ADGRB3: variants seen among roughly 807,000 people sequenced by gnomAD.
ADGRB3 encodes the protein adhesion G protein-coupled receptor B3.
A neutral mutation model predicts 193.4 loss-of-function variants in ADGRB3; 37 were observed. That is an observed-to-expected ratio of 0.19 (90% CI 0.15 to 0.25). The LOEUF (loss-of-function observed/expected upper bound fraction) is 0.25, where lower values mean the gene tolerates loss of function less well. Ranked by LOEUF, ADGRB3 falls within the 10% of genes least tolerant of loss-of-function variation. The pLI is 1.00. For synonymous variants in ADGRB3, 690 were observed against 644.2 expected, an observed-to-expected ratio of 1.07 and a Z score of -1.08; for missense variants, 1,637 against 1,852.9, an observed-to-expected ratio of 0.88 and a Z score of 2.14.
chr6:68,912,894 G>A lies in ADGRB3; in HGVS notation c.758-17665G>A, dbSNP rs192261907. 2.4e-3 allele frequency among the ~76,000 whole-genome samples: 370 copies of A among 152,204 alleles called. 6 individuals are homozygous for A. Among genetic ancestry groups the A allele is most frequent in the Non-Finnish European group, 8.8e-4 (60 of 68,012 alleles). On this transcript the variant is annotated intron_variant, in intron 3 of 31. Coordinates refer to ENST00000370598, the MANE Select transcript of ADGRB3 (RefSeq NM_001704.3). Reference sequence around the variant, plus strand: ...TTTTCCGATGGGCTTAAAAAACGGCGCACCAGGAGATTATATCCTCCACCT... The same window carrying A: ...TTTTCCGATGGGCTTAAAAAACGGCACACCAGGAGATTATATCCTCCACCT...
At chr6:68,883,548 C>G (rs1467975197) in intron 3 of ADGRB3, among the ~76,000 whole-genome samples, 1 of 152,304 alleles carries the variant, frequency 6.6e-6, no homozygotes, top group East Asian at 1.9e-4. Flanking sequence ...CAGCTTCACT[C>G]TTGAGGTCAG....
At chr6:69,090,301 TG>T (rs1332232703) in intron 17 of ADGRB3, among the ~76,000 whole-genome samples, 1 of 152,212 alleles carries the variant, frequency 6.6e-6, no homozygotes, top group African/African-American at 2.4e-5. Context: ...TTGTTGAGCC[TG>T]TTTGGAAACT....
intron 4 of ADGRB3, among the ~76,000 whole-genome samples, chr6:68,932,286 G>A (rs372250343): frequency 1.3e-5 from 2 of 152,134 alleles, no homozygotes; most frequent in South Asian, 2.1e-4. Context: ...TTCCAATAGC[G>A]TAACATGATT....
chr6:68,850,150 A>G (rs975105701), intron 3 of ADGRB3, among the ~76,000 whole-genome samples: 2 of 151,822 alleles, frequency 1.3e-5, no homozygotes, highest in African/African-American at 4.8e-5. Flanking sequence ...ATTAATAGTT[A>G]TGTATATAAC....
chr6:69,069,114 C>A (rs541095846), intron 16 of ADGRB3, among the ~76,000 whole-genome samples: 65 of 152,072 alleles, frequency 4.3e-4, no homozygotes, highest in Middle Eastern at 3.4e-3. Context: ...AACATAAGAC[C>A]CAGACTTAGC....
chr6:68,936,472 G>T (rs1427470183), intron 4 of ADGRB3, 47 bp from the exon 5 acceptor site: 2 of 1,568,038 alleles, frequency 1.3e-6, no homozygotes, highest in African/African-American at 1.4e-5. Flanking sequence ...CTTACTAGAT[G>T]AATACTTAAG....
chr6:69,224,905 T>A (rs573440683), intron 17 of ADGRB3, among the ~76,000 whole-genome samples: 5 of 152,152 alleles, frequency 3.3e-5, no homozygotes, highest in Non-Finnish European at 7.4e-5. Context: ...ATTTTCCCCT[T>A]GCAATTTCAA....
intron 17 of ADGRB3, among the ~76,000 whole-genome samples, chr6:69,140,602 C>A (rs977417799): frequency 6.6e-6 from 1 of 151,872 alleles, no homozygotes; most frequent in Non-Finnish European, 1.5e-5. Flanking sequence ...AACAGGATGA[C>A]TATTGTCAAT....
At chr6:69,213,158 T>A (rs529285770) in intron 17 of ADGRB3, among the ~76,000 whole-genome samples, 21 of 152,330 alleles carry the variant, frequency 1.4e-4, no homozygotes, top group African/African-American at 4.8e-4. Context: ...AAGTACTTGT[T>A]CATATCTCAC....
intron 20 of ADGRB3, among the ~76,000 whole-genome samples, chr6:69,303,799 A>T (rs552505136): frequency 6.6e-6 from 1 of 152,014 alleles, no homozygotes; most frequent in Non-Finnish European, 1.5e-5. Context: ...GTCTGGGGAA[A>T]GTGACTTTTA....
intron 3 of ADGRB3, among the ~76,000 whole-genome samples, chr6:68,883,604 G>A (rs900241867): frequency 8.6e-5 from 13 of 152,016 alleles, no homozygotes; most frequent in East Asian, 7.7e-4. Flanking sequence ...CTGGACTGGA[G>A]GAATGAACAA....
chr6:68,906,546 T>G (rs188180181), intron 3 of ADGRB3, among the ~76,000 whole-genome samples: 1 of 152,080 alleles, frequency 6.6e-6, no homozygotes, highest in East Asian at 1.9e-4. Flanking sequence ...TTAAAGTTGC[T>G]AATAAAAATG....
chr6:68,694,301 T>C (rs1185310178), intron 3 of ADGRB3, among the ~76,000 whole-genome samples: 3 of 152,040 alleles, frequency 2.0e-5, no homozygotes, highest in Non-Finnish European at 2.9e-5. Context: ...AGGATGAATA[T>C]AATTTTATTT....
In ADGRB3 at chr6:68,969,554, T is replaced by C. The variant is rs7760463; in HGVS notation, c.1526-5209T>C. On this transcript the variant is annotated intron_variant, in intron 8 of 31. Transcript: ENST00000370598. ...GCATGGGAGGGTTTTAAGCAGAAAA[T>C]TGTGGGATTAAACTTTATCTTAGAG... is the stretch of plus-strand genomic sequence containing the variant. Among the ~76,000 whole-genome samples, 474 of 152,130 alleles carry C rather than the reference T, an allele frequency of 3.1e-3. 4 individuals carry two copies. Among genetic ancestry groups the C allele is most frequent in the African/African-American group, 0.011 (456 of 41,498 alleles).
In ADGRB3 at chr6:68,936,632, G is replaced by A. The variant is rs145733293; in HGVS notation, c.982G>A (p.Gly328Ser). 1.6e-4 allele frequency: 264 copies of A among 1,613,622 alleles called. No individual in the cohort carries two copies. Among genetic ancestry groups the A allele is most frequent in the Non-Finnish European group, 2.0e-4 (239 of 1,179,906 alleles). Residue 328 changes from glycine to serine, a missense_variant, in exon 5 of 32, where the codon GGC (glycine) becomes AGC (serine). Transcript: ENST00000370598. ...ATCACCTTACGGGACACACTGCAGC[G>A]GCCCATTAAGAGAATCAAGGGTTTG... is the stretch of plus-strand genomic sequence containing the variant. ...CVSPYGTHCSGPLRESRVCNN... is the reference protein window; with the variant it reads ...CVSPYGTHCSSPLRESRVCNN...
At chr6:68,693,319 G>T (rs1298039919) in intron 3 of ADGRB3, among the ~76,000 whole-genome samples, 1 of 151,864 alleles carries the variant, frequency 6.6e-6, no homozygotes, top group Non-Finnish European at 1.5e-5. Flanking sequence ...CAGCACAGGG[G>T]TTGTAAAGAG....
At chr6:68,667,407 T>G (rs1768829347) in intron 3 of ADGRB3, among the ~76,000 whole-genome samples, 1 of 151,946 alleles carries the variant, frequency 6.6e-6, no homozygotes, top group South Asian at 2.1e-4. Context: ...TTCCCCTGCT[T>G]AGTGTCTATA....
intron 20 of ADGRB3, among the ~76,000 whole-genome samples, chr6:69,279,524 A>C (rs999590124): frequency 4.6e-5 from 7 of 151,978 alleles, no homozygotes; most frequent in South Asian, 2.1e-4. Context: ...CCTACATTTA[A>C]AATTTTACTT....
chr6:68,911,859 A>C (rs1422204451), intron 3 of ADGRB3, among the ~76,000 whole-genome samples: 1 of 147,550 alleles, frequency 6.8e-6, no homozygotes, highest in Non-Finnish European at 1.5e-5. Context: ...AATGTCAAAC[A>C]TCATTTGGTA....
Sources: gnomAD v4.1 joint callset for allele counts (sites outside exome capture counted in the v4.1 genomes callset) on GRCh38, gnomAD v4.1.1 for gene constraint, MANE v1.5 for transcripts, NCBI Gene and HGNC (gene_info 2026-07-23, HGNC 2026-07-21) for gene names.